Variants in LATS2 observed in about 807,000 individuals in gnomAD.
The protein encoded by LATS2 is serine/threonine-protein kinase LATS2.
LATS2 carries 24 observed loss-of-function variants against 76.0 expected under a neutral mutation model. That is an observed-to-expected ratio of 0.32 (90% CI 0.23 to 0.44). The LOEUF is 0.44. Ranked by LOEUF, LATS2 falls within the 20% of genes least tolerant of loss-of-function variation. The pLI is 1.00. For missense variants in LATS2, 1,286 were observed against 1,481.2 expected (o/e 0.87, Z 2.16); for synonymous variants, 692 against 635.4 (o/e 1.09, Z -1.34).
chr13:21,058,886 C>T (rs1319024640), intron 1 of LATS2, among the ~76,000 whole-genome samples: 1 of 151,636 alleles, frequency 6.6e-6, no homozygotes, highest in Non-Finnish European at 1.5e-5. Context: ...ACAGTTTATA[C>T]GTTCTCATTT....
chr13:21,024,797 T>C (rs1296202751), intron 2 of LATS2, among the ~76,000 whole-genome samples: 3 of 152,154 alleles, frequency 2.0e-5, no homozygotes, highest in African/African-American at 7.2e-5. Flanking sequence ...TGACATTTTA[T>C]ATTCTCTTTT....
chr13:20,999,279 G>A (rs1031373916), intron 2 of LATS2, among the ~76,000 whole-genome samples: 1 of 152,224 alleles, frequency 6.6e-6, no homozygotes, highest in Admixed American at 6.5e-5. Context: ...GCAGGCCCCC[G>A]AACCTTGGTA....
At chr13:21,049,778 G>T (rs1873198140) in intron 1 of LATS2, among the ~76,000 whole-genome samples, 1 of 152,144 alleles carries the variant, frequency 6.6e-6, no homozygotes, top group Non-Finnish European at 1.5e-5. Context: ...GCTGAAGGAG[G>T]TCCTGGTTGA....
intron 2 of LATS2, among the ~76,000 whole-genome samples, chr13:21,043,560 C>A (rs1285755829): frequency 2.0e-5 from 3 of 152,082 alleles, no homozygotes; most frequent in Admixed American, 1.3e-4. Context: ...TATAAAGTAA[C>A]ACCACACACC....
At chr13:21,044,223 C>T (rs1872983878) in intron 2 of LATS2, among the ~76,000 whole-genome samples, 1 of 152,204 alleles carries the variant, frequency 6.6e-6, no homozygotes, top group South Asian at 2.1e-4. Context: ...ATTCATTTCA[C>T]AAACATCTCC....
chr13:21,001,979 T>C (rs912704099), intron 2 of LATS2, among the ~76,000 whole-genome samples: 2 of 150,554 alleles, frequency 1.3e-5, no homozygotes, highest in African/African-American at 2.4e-5. Flanking sequence ...AGTGGCACTA[T>C]CTCGGCTCAC....
Position 20,974,734 on chromosome 13 carries a change from G to A in LATS2, c.*136C>T, listed in dbSNP as rs2138255985. The A allele has an allele frequency of 2.2e-6, 2 of 924,594 alleles. No homozygotes were observed. The highest frequency in any genetic ancestry group is 2.6e-5 in the East Asian group (1 of 38,608). The allele number at this position is 924,594 out of a possible 1,614,324, so 57.3% of individuals were successfully genotyped here. A position where few individuals can be genotyped will look rare whatever the true frequency, so the allele number is the denominator to read the frequency against. ...CCTGTTTGGGTTTTCTTGGTGAAGA[G>A]CAGAATTTCAAGTGAAGTAATCGAC... On this transcript the variant is annotated 3_prime_UTR_variant, in exon 8 of 8. Coordinates refer to ENST00000382592, the MANE Select transcript of LATS2 (RefSeq NM_014572.3).
At chr13:20,997,958 A>G (rs949500907) in intron 2 of LATS2, among the ~76,000 whole-genome samples, 8 of 152,192 alleles carry the variant, frequency 5.3e-5, no homozygotes, top group African/African-American at 1.9e-4. Flanking sequence ...ACCATATCCT[A>G]AAGTTTTAAC....
At position 20,983,792 on chromosome 13, in the gene LATS2, T is replaced by G. The variant is rs778931991; in HGVS notation, c.1914A>C (p.Glu638Asp). 6.8e-6 allele frequency: 11 copies of G among 1,611,604 alleles called. No homozygotes were observed. The South Asian group carries it at 1.2e-4, about 18-fold the overall frequency. Residue 638 changes from glutamate to aspartate, a missense_variant, in exon 5 of 8, where the codon GAA (glutamate) becomes GAC (aspartate). Glu to Asp is a conservative substitution (Grantham distance 45). Around this residue, in one of 5 missense-constraint regions of LATS2, gnomAD observed 247 missense variants for 385.4 expected, o/e 0.64. Transcript: ENST00000382592. The part of the protein sequence containing the change: ...EQEMAKAGLC[E>D]AEQEQMRKIL... ...TCTTCCGCATCTGCTCCTGCTCAGC[T>G]TCACAGAGTCCAGCCTGTGTAGAAG...
chr13:21,015,938 A>AATC (rs1272244238), intron 2 of LATS2, among the ~76,000 whole-genome samples: 1 of 150,436 alleles, frequency 6.6e-6, no homozygotes, highest in Non-Finnish European at 1.5e-5. Flanking sequence ...ACCTCAGGTG[A>AATC]TTTGCCCACC....
At position 21,046,172 on chromosome 13, in the gene LATS2, G is replaced by A; in HGVS notation, c.-146C>T. On this transcript the variant is annotated 5_prime_UTR_variant, in exon 2 of 8. Coordinates refer to ENST00000382592, the MANE Select transcript of LATS2 (RefSeq NM_014572.3). Reference sequence around the variant, plus strand: ...GAAAATGTTCTTTCCTTCCATTTTTGTAGTTCCTATAGAGAACCTAAAATT... The same window carrying A: ...GAAAATGTTCTTTCCTTCCATTTTTATAGTTCCTATAGAGAACCTAAAATT... 3 of 663,840 alleles carry A rather than the reference G, an allele frequency of 4.5e-6. No homozygotes were observed. Among genetic ancestry groups the A allele is most frequent in the Non-Finnish European group, 7.4e-6 (3 of 407,098 alleles). 41.1% of individuals were successfully genotyped at this position (663,840 alleles called of 1,614,324 possible).
intron 2 of LATS2, among the ~76,000 whole-genome samples, chr13:21,037,560 T>A (rs1872723691): frequency 1.3e-5 from 2 of 152,240 alleles, no homozygotes; most frequent in African/African-American, 4.8e-5. Context: ...ACAAAGCCAC[T>A]GTCTCACAGG....
chr13:21,016,033 A>G (rs1439488872), intron 2 of LATS2, among the ~76,000 whole-genome samples: 1 of 151,320 alleles, frequency 6.6e-6, no homozygotes, highest in East Asian at 1.9e-4. Context: ...TCTGTCACTC[A>G]GGCTGGAGTG....
intron 2 of LATS2, among the ~76,000 whole-genome samples, chr13:21,015,231 C>T (rs1871754537): frequency 6.6e-6 from 1 of 152,196 alleles, no homozygotes; most frequent in Non-Finnish European, 1.5e-5. Context: ...ACTCTTCTTC[C>T]ATCATCAAAT....
chr13:21,032,788 G>A (rs1026733933), intron 2 of LATS2, among the ~76,000 whole-genome samples: 4 of 152,160 alleles, frequency 2.6e-5, no homozygotes, highest in South Asian at 2.1e-4. Context: ...ATGAATGGCC[G>A]TAGAAGGCCA....
chr13:20,983,288 T>C lies in LATS2; in HGVS notation c.2418A>G (p.Lys806=). ...CAGTGCAGAGGCCGAAATCTGTGAG[T>C]TTAATGTGACCATCCAGATCTATCA... ...NILIDLDGHI[K]LTDFGLCTGF... Residue 806 remains lysine (K), a synonymous_variant, in exon 5 of 8, where the codon AAA becomes AAG. Transcript: ENST00000382592. 1 of 1,613,954 alleles carries C rather than the reference T, an allele frequency of 6.2e-7. No homozygotes were observed. Among genetic ancestry groups the C allele is most frequent in the Non-Finnish European group, 8.5e-7 (1 of 1,179,974 alleles).
chr13:20,989,680 C>A (rs1466195029), intron 3 of LATS2, among the ~76,000 whole-genome samples: 1 of 152,108 alleles, frequency 6.6e-6, no homozygotes, highest in Non-Finnish European at 1.5e-5. Context: ...CCTATCATGC[C>A]CAAATTGTGG....
intron 2 of LATS2, among the ~76,000 whole-genome samples, chr13:21,015,139 C>T (rs190926859): frequency 2.0e-5 from 3 of 152,348 alleles, no homozygotes; most frequent in Non-Finnish European, 4.4e-5. Flanking sequence ...CTGTATAACT[C>T]TCTTGGTCCA....
chr13:21,038,889 C>T (rs982350929), intron 2 of LATS2, among the ~76,000 whole-genome samples: 4 of 152,074 alleles, frequency 2.6e-5, no homozygotes, highest in African/African-American at 7.2e-5. Flanking sequence ...TGAGGCATGG[C>T]GCATTGCTTG....
Sources: allele counts gnomAD v4.1 joint callset (sites outside exome capture counted in the v4.1 genomes callset), GRCh38; gene constraint gnomAD v4.1.1; regional missense constraint gnomAD v4.1.1; transcripts MANE v1.5; gene names NCBI Gene and HGNC (gene_info 2026-07-23, HGNC 2026-07-21).